PPFIBP2: variants seen among roughly 807,000 people sequenced by gnomAD.
PPFIBP2 encodes the protein PPFIB scaffold protein 2, also known as liprin-beta-2.
In PPFIBP2, 118 loss-of-function variants were observed where a neutral mutation model predicts 118.3. The observed-to-expected ratio is 1.00, with a 90% CI of 0.86 to 1.16. The LOEUF (loss-of-function observed/expected upper bound fraction) is 1.16, where lower values mean the gene tolerates loss of function less well. Among genes scored for constraint, PPFIBP2 ranks in the 50% most tolerant of loss-of-function variants. The pLI, the probability that PPFIBP2 is intolerant of heterozygous loss-of-function variation, is 0.00. For synonymous variants in PPFIBP2, 414 were observed against 397.4 expected (o/e 1.04, Z -0.50); for missense variants, 1,195 against 1,073.1 (o/e 1.11, Z -1.59).
intron 1 of PPFIBP2, among the ~76,000 whole-genome samples, chr11:7,517,887 G>A (rs543960145): frequency 3.3e-5 from 5 of 152,202 alleles, no homozygotes; most frequent in Admixed American, 2.0e-4. Context: ...GATGGGGGGC[G>A]GTCCCTGCAG....
the PPFIBP2 span, chr11:7,666,214 C>T: frequency 5.3e-6 from 3 of 561,138 alleles, no homozygotes; most frequent in South Asian, 4.4e-5. Context: ...ATGTTCAGTG[C>T]AGCGTGAGGT....
At chr11:7,555,212 G>C (rs902134411) in intron 2 of PPFIBP2, among the ~76,000 whole-genome samples, 1 of 152,104 alleles carries the variant, frequency 6.6e-6, no homozygotes, top group Non-Finnish European at 1.5e-5. Context: ...GACACAGAAG[G>C]CCACTTACTC....
intron 6 of PPFIBP2, among the ~76,000 whole-genome samples, chr11:7,613,386 A>C (rs374808330): frequency 1.3e-5 from 2 of 152,192 alleles, no homozygotes; most frequent in East Asian, 3.9e-4. Flanking sequence ...TCATTCTGTA[A>C]GACCTAGGGA....
chr11:7,559,322 T>G (rs1854032173), intron 2 of PPFIBP2, among the ~76,000 whole-genome samples: 1 of 152,168 alleles, frequency 6.6e-6, no homozygotes, highest in South Asian at 2.1e-4. Flanking sequence ...ATTTTTTTTA[T>G]TTGTTTTCTA....
At chr11:7,554,438 A>G (rs1853348544) in intron 2 of PPFIBP2, among the ~76,000 whole-genome samples, 1 of 152,202 alleles carries the variant, frequency 6.6e-6, no homozygotes, top group Non-Finnish European at 1.5e-5. Context: ...AAAAGAGTGC[A>G]CTTTGGGCAT....
Position 7,593,173 on chromosome 11 carries a change from C to T in PPFIBP2, c.321C>T (p.Tyr107=). The T allele has an allele frequency of 6.2e-7, 1 of 1,614,006 alleles. No individual in the cohort carries two copies. The highest frequency in any genetic ancestry group is 8.5e-7 in the Non-Finnish European group (1 of 1,179,956). ...ACAGTGCTGCTAGTAATGAAACCTA[C>T]CAGGAACGCTTGGCACGTCTAGAAG... ...NHHSAASNET[Y]QERLARLEGD... is the part of the protein sequence containing the mutation. The change falls in exon 4 of 24, where the codon TAC becomes TAT. Residue 107 remains tyrosine (Y), a synonymous_variant. Coordinates refer to ENST00000299492, the MANE Select transcript of PPFIBP2 (RefSeq NM_003621.5).
intron 3 of PPFIBP2, among the ~76,000 whole-genome samples, chr11:7,592,409 T>C (rs1257718212): frequency 6.6e-6 from 1 of 152,200 alleles, no homozygotes; most frequent in East Asian, 1.9e-4. Flanking sequence ...TCTGGCTACC[T>C]GTAATTTCCT....
At chr11:7,646,083 A>G (rs1294251672) in intron 17 of PPFIBP2, among the ~76,000 whole-genome samples, 1 of 152,240 alleles carries the variant, frequency 6.6e-6, no homozygotes, top group Non-Finnish European at 1.5e-5. Flanking sequence ...GTTTAAACAA[A>G]AGGAGTGAGT....
chr11:7,536,017 C>T (rs908791077), intron 1 of PPFIBP2, among the ~76,000 whole-genome samples: 5 of 152,186 alleles, frequency 3.3e-5, no homozygotes, highest in Non-Finnish European at 7.4e-5. Flanking sequence ...CTAGAGCAAA[C>T]GCTGACTGAT....
chr11:7,573,609 C>G (rs944868267), intron 3 of PPFIBP2, among the ~76,000 whole-genome samples: 2 of 152,202 alleles, frequency 1.3e-5, no homozygotes, highest in African/African-American at 2.4e-5. Context: ...TTGTACTGAT[C>G]TATTTTGGAG....
rs201672959 is a variant in PPFIBP2, at chr11:7,653,154, G to A, written c.2567G>A (p.Arg856Gln). Residue 856 changes from arginine to glutamine, a missense_variant, in exon 24 of 24, where the codon CGG becomes CAG. Coordinates refer to ENST00000299492, the MANE Select transcript of PPFIBP2 (RefSeq NM_003621.5). The part of the protein sequence containing the change: ...SDSHRVYSGY[R>Q]GLSPLDAPEL... ...AGTCACAGGGTCTACAGTGGCTACC[G>A]GGGCCTCAGCCCCCTTGATGCCCCT... is the stretch of plus-strand genomic sequence containing the variant. 1.3e-4 allele frequency: 203 copies of A among 1,614,178 alleles called. No individual in the cohort carries two copies. Among genetic ancestry groups the A allele is most frequent in the Non-Finnish European group, 1.5e-4 (177 of 1,180,032 alleles).
chr11:7,662,090 ACT>A (rs1180410944), downstream of PPFIBP2, among the ~76,000 whole-genome samples: 6 of 146,722 alleles, frequency 4.1e-5, no homozygotes, highest in African/African-American at 1.5e-4. Flanking sequence ...ATGGGTCTTG[ACT>A]CTTTATCCAG....
chr11:7,514,760 A>T (rs76279697), intron 1 of PPFIBP2, among the ~76,000 whole-genome samples: 260 of 152,342 alleles, frequency 1.7e-3, no homozygotes, highest in African/African-American at 6.1e-3. Flanking sequence ...CTCGGATGAA[A>T]ATAAGATTAT....
intron 5 of PPFIBP2, among the ~76,000 whole-genome samples, chr11:7,602,031 T>TGCA (rs1440514537): frequency 1.4e-5 from 2 of 142,470 alleles, no homozygotes; most frequent in South Asian, 2.2e-4. Context: ...AGACGGAGGT[T>TGCA]GCAGTGAGCC....
At chr11:7,663,232 TAG>T in the PPFIBP2 span, among the ~76,000 whole-genome samples, 10 of 135,462 alleles carry the variant, frequency 7.4e-5, 1 homozygote, top group Non-Finnish European at 1.0e-4. Flanking sequence ...CTCTGCTTTT[TAG>T]AGTTTCCAGT....
At chr11:7,573,410 A>G (rs993419561) in intron 3 of PPFIBP2, among the ~76,000 whole-genome samples, 5 of 152,264 alleles carry the variant, frequency 3.3e-5, no homozygotes, top group African/African-American at 1.2e-4. Flanking sequence ...AGATGGGAAA[A>G]TAATATAAAA....
intron 1 of PPFIBP2, among the ~76,000 whole-genome samples, chr11:7,531,272 G>A (rs56233023): frequency 0.03 from 4,515 of 152,214 alleles, 212 homozygotes; most frequent in African/African-American, 0.1. Context: ...CCAAGGTTAG[G>A]GACCAACCCT....
chr11:7,585,286 C>G (rs888906916), intron 3 of PPFIBP2, among the ~76,000 whole-genome samples: 7 of 152,212 alleles, frequency 4.6e-5, no homozygotes, highest in African/African-American at 1.4e-4. Flanking sequence ...AAGGCAAGAG[C>G]TCTGAGAAGC....
intron 1 of PPFIBP2, among the ~76,000 whole-genome samples, chr11:7,545,172 T>A (rs904506049): frequency 6.6e-5 from 10 of 152,168 alleles, no homozygotes; most frequent in Admixed American, 5.9e-4. Flanking sequence ...CTCACGCCTG[T>A]AATCCCAGCA....
Sources: gnomAD v4.1 joint callset for allele counts (sites outside exome capture counted in the v4.1 genomes callset) on GRCh38, gnomAD v4.1.1 for gene constraint, MANE v1.5 for transcripts, NCBI Gene and HGNC (gene_info 2026-07-23, HGNC 2026-07-21) for gene names.